Variants in NR1D2 observed in about 807,000 individuals in gnomAD.
NR1D2 encodes V-erbA-related protein 1-related.
In NR1D2, 25 loss-of-function variants were observed where a neutral mutation model predicts 52.2. That is an observed-to-expected ratio of 0.48 (90% CI 0.35 to 0.67). The LOEUF (loss-of-function observed/expected upper bound fraction) is 0.67. NR1D2 is among the 30% of genes least tolerant of loss of function. The probability of loss-of-function intolerance (pLI) is 0.01; values close to 1 mark genes in which losing one functional copy is unlikely to be tolerated. For missense variants in NR1D2, 681 were observed against 707.2 expected, an observed-to-expected ratio of 0.96 and a Z score of 0.42; for synonymous variants, 259 against 230.1, an observed-to-expected ratio of 1.13 and a Z score of -1.14.
intron 3 of NR1D2, among the ~76,000 whole-genome samples, chr3:23,956,961 G>T (rs1374098473): frequency 3.9e-5 from 6 of 151,982 alleles, no homozygotes; most frequent in African/African-American, 1.4e-4. Flanking sequence ...TTCAAGTGTG[G>T]CTCTGAATGA....
chr3:23,945,617 TGG>T (rs1482283210), intron 1 of NR1D2, 23 bp downstream of exon 1: 10 of 1,016,854 alleles, frequency 9.8e-6, no homozygotes, highest in Non-Finnish European at 1.2e-5. Context: ...CTGCGGCGGG[TGG>T]GGGATGGCCG....
intron 4 of NR1D2, among the ~76,000 whole-genome samples, chr3:23,960,543 G>C (rs1706206894): frequency 6.6e-6 from 1 of 152,092 alleles, no homozygotes; most frequent in Admixed American, 6.5e-5. Flanking sequence ...TGTTGACCAG[G>C]CTGGTCTCGA....
chr3:23,973,243 C>T (rs758600456), intron 7 of NR1D2, among the ~76,000 whole-genome samples: 5 of 152,136 alleles, frequency 3.3e-5, no homozygotes, highest in Non-Finnish European at 7.4e-5. Flanking sequence ...TAAATATGTT[C>T]TGAGAAATGC....
chr3:23,966,010 T>G (rs1005814657), intron 6 of NR1D2, among the ~76,000 whole-genome samples: 1 of 152,244 alleles, frequency 6.6e-6, no homozygotes, highest in Admixed American at 6.5e-5. Flanking sequence ...CACTGTATCC[T>G]GCTTGGGCTT....
At chr3:23,952,908 G>A (rs1031743367) in intron 1 of NR1D2, among the ~76,000 whole-genome samples, 1 of 151,414 alleles carries the variant, frequency 6.6e-6, no homozygotes, top group Non-Finnish European at 1.5e-5. Flanking sequence ...AAACACATCT[G>A]ATATCTACTA....
intron 7 of NR1D2, among the ~76,000 whole-genome samples, chr3:23,976,584 T>C (rs892656975): frequency 6.6e-6 from 1 of 152,224 alleles, no homozygotes; most frequent in African/African-American, 2.4e-5. Context: ...CATGTGGGCC[T>C]CTCCACAGGG....
chr3:23,950,408 C>T (rs370589145), intron 1 of NR1D2, among the ~76,000 whole-genome samples: 1 of 152,208 alleles, frequency 6.6e-6, no homozygotes, highest in Admixed American at 6.5e-5. Context: ...CAGAGTTCTT[C>T]TTGTGAGGAT....
At chr3:23,971,383 C>T (rs1197386491) in intron 7 of NR1D2, among the ~76,000 whole-genome samples, 2 of 149,480 alleles carry the variant, frequency 1.3e-5, no homozygotes, top group Non-Finnish European at 3.0e-5. Flanking sequence ...TCACTGCAAC[C>T]TCTGCCTCCC....
chr3:23,965,094 C>A lies in NR1D2; in HGVS notation c.1264C>A (p.Arg422Ser). ...GAAAGAAGTGGTGGAATTTGCAAAG[C>A]GTATTCCTGGGTTCAGAGATCTCTC... is the stretch of plus-strand genomic sequence containing the variant. ...AVKEVVEFAK[R>S]IPGFRDLSQH... Residue 422 changes from arginine (R) to serine (S), a missense_variant, in exon 6 of 8, where the codon CGT (arginine) becomes AGT (serine). Coordinates refer to ENST00000312521, the MANE Select transcript of NR1D2 (RefSeq NM_005126.5). The A allele has an allele frequency of 1.9e-6, 3 of 1,614,016 alleles. No homozygotes were observed. Among genetic ancestry groups the A allele is most frequent in the Non-Finnish European group, 2.5e-6 (3 of 1,179,974 alleles).
intron 1 of NR1D2, among the ~76,000 whole-genome samples, chr3:23,950,913 T>C (rs904094071): frequency 2.0e-5 from 3 of 148,220 alleles, no homozygotes; most frequent in African/African-American, 7.5e-5. Context: ...TTTTTTTTTT[T>C]TTTTTTTTGA....
At chr3:23,963,357 C>G in intron 5 of NR1D2, 1 of 1,318,574 alleles carries the variant, frequency 7.6e-7, no homozygotes, top group South Asian at 1.2e-5. Context: ...TTTTCATTTT[C>G]AAAATAGTTG....
intron 3 of NR1D2, among the ~76,000 whole-genome samples, chr3:23,957,240 C>T (rs13068152): frequency 0.19 from 29,314 of 151,562 alleles, 3,351 homozygotes; most frequent in Middle Eastern, 0.32. Flanking sequence ...GCCTCGGCTT[C>T]GCAAAGTGCT....
intron 7 of NR1D2, among the ~76,000 whole-genome samples, chr3:23,976,457 A>G (rs1470311069): frequency 2.0e-5 from 3 of 152,208 alleles, no homozygotes; most frequent in Non-Finnish European, 4.4e-5. Context: ...TGAGTAGGGA[A>G]GGATCTGCTT....
Position 23,980,583 on chromosome 3 carries a change from T to A in NR1D2, c.*3164T>A, listed in dbSNP as rs1706849314. The A allele has an allele frequency of 6.6e-6, 1 of 151,628 alleles. No individual in the cohort carries two copies. The highest frequency in any genetic ancestry group is 2.1e-4 in the South Asian group (1 of 4,806). The allele number at this position is 151,628 out of a possible 1,614,324, so 9.4% of individuals were successfully genotyped here. On this transcript the variant is annotated 3_prime_UTR_variant, in exon 8 of 8. Transcript: ENST00000312521. ...TCATGTTTCTGAGAAGTAATCTGTA[T>A]GTGGGGGGAGGGGATAATAAATATT...
At chr3:23,955,956 A>G (rs1052081533) in intron 2 of NR1D2, 81 bp from the exon 3 acceptor site, 1 of 964,528 alleles carries the variant, frequency 1.0e-6, no homozygotes. Context: ...TACACGTTGA[A>G]TGAAATAAAA....
chr3:23,971,690 A>G (rs1185986867), intron 7 of NR1D2, among the ~76,000 whole-genome samples: 1 of 103,580 alleles, frequency 9.7e-6, no homozygotes, highest in Non-Finnish European at 2.0e-5. Flanking sequence ...ATTTTAATAT[A>G]CTCACAGTTT....
Position 23,955,970 on chromosome 3 carries a change from C to T in NR1D2, c.284-67C>T. Reference sequence around the variant, plus strand: ...TTACACGTTGAATGAAATAAAATATCTAATTGGAAAGAAAACAGACTCGGT... The same window carrying T: ...TTACACGTTGAATGAAATAAAATATTTAATTGGAAAGAAAACAGACTCGGT... On this transcript the variant is annotated intron_variant, in intron 2 of 7. Transcript: ENST00000312521. The T allele has an allele frequency of 2.7e-6, 3 of 1,096,330 alleles. No homozygotes were observed. The South Asian group carries it at 3.9e-5, about 14-fold the overall frequency. 67.9% of individuals were successfully genotyped at this position (1,096,330 alleles called of 1,614,324 possible). A position where few individuals can be genotyped will look rare whatever the true frequency, so the allele number is the denominator to read the frequency against.
At chr3:23,960,388 C>T (rs968992391) in intron 4 of NR1D2, among the ~76,000 whole-genome samples, 3 of 151,852 alleles carry the variant, frequency 2.0e-5, no homozygotes, top group Non-Finnish European at 4.4e-5. Context: ...CTGGGTGACA[C>T]GGTGACACTC....
intron 6 of NR1D2, among the ~76,000 whole-genome samples, chr3:23,965,448 T>C (rs537029175): frequency 2.0e-5 from 3 of 151,548 alleles, no homozygotes; most frequent in Admixed American, 6.6e-5. Context: ...GGTTTTGCCT[T>C]GTGGCCCAGG....
Sources: gnomAD v4.1 joint callset for allele counts (sites outside exome capture counted in the v4.1 genomes callset) on GRCh38, gnomAD v4.1.1 for gene constraint, MANE v1.5 for transcripts, NCBI Gene and HGNC (gene_info 2026-07-23, HGNC 2026-07-21) for gene names.